DST: variants seen among roughly 807,000 people sequenced by gnomAD.
DST encodes the protein dystonin.
A neutral mutation model predicts 875.2 loss-of-function variants in DST; 253 were observed. That is an observed-to-expected ratio of 0.29 (90% CI 0.26 to 0.32). DST has a LOEUF of 0.32. Ranked by LOEUF, DST falls within the 10% of genes least tolerant of loss-of-function variation. The probability of loss-of-function intolerance (pLI) is 1.00; values close to 1 mark genes in which losing one functional copy is unlikely to be tolerated. For missense variants in DST, 8,287 were observed against 9,111.6 expected (o/e 0.91, Z 3.68); for synonymous variants, 3,124 against 3,197.1 (o/e 0.98, Z 0.77).
intron 4 of DST, among the ~76,000 whole-genome samples, chr6:56,808,657 A>G (rs2099756192): frequency 6.6e-6 from 1 of 152,192 alleles, no homozygotes; most frequent in African/African-American, 2.4e-5. Flanking sequence ...ATATCATTCT[A>G]TTTACTTTTT....
intron 4 of DST, among the ~76,000 whole-genome samples, chr6:56,762,321 AAC>A (rs767225702): frequency 1.6e-4 from 24 of 152,316 alleles, no homozygotes; most frequent in Non-Finnish European, 3.2e-4. Flanking sequence ...GAAATTTTAA[AAC>A]AGTTTCACAT....
intron 19 of DST, 76 bp downstream of exon 19, chr6:56,639,853 T>C (rs1441448953): frequency 6.3e-7 from 1 of 1,587,482 alleles, no homozygotes; most frequent in Non-Finnish European, 8.6e-7. Flanking sequence ...CTATTATTGA[T>C]TTACAGGGTC....
intron 4 of DST, chr6:56,742,360 G>C (rs2099550363): frequency 2.3e-6 from 3 of 1,289,680 alleles, no homozygotes; most frequent in Non-Finnish European, 3.0e-6. Flanking sequence ...AATCTGTGCA[G>C]CAGTTCCCTA....
At chr6:56,810,267 G>A (rs1289391911) in intron 4 of DST, among the ~76,000 whole-genome samples, 4 of 152,124 alleles carry the variant, frequency 2.6e-5, no homozygotes, top group African/African-American at 9.7e-5. Flanking sequence ...CTATGACTGT[G>A]CCACTGCATT....
At chr6:56,743,835 T>G (rs1165038028) in intron 4 of DST, among the ~76,000 whole-genome samples, 1 of 152,156 alleles carries the variant, frequency 6.6e-6, no homozygotes, top group Non-Finnish European at 1.5e-5. Flanking sequence ...AAATTCTAAC[T>G]TTTAAAAAAT....
At chr6:56,936,156 A>G (rs1172199424) in intron 2 of DST, among the ~76,000 whole-genome samples, 2 of 152,222 alleles carry the variant, frequency 1.3e-5, no homozygotes, top group Non-Finnish European at 2.9e-5. Flanking sequence ...GGGTAAATAA[A>G]TAAAAAGAGA....
chr6:56,546,372 ATATATATATATATATAT>A lies in DST; in HGVS notation c.16608+5795_16608+5811del, dbSNP rs2097224407. On this transcript the variant is annotated intron_variant, in intron 61 of 103. Coordinates refer to ENST00000680361, the MANE Select transcript of DST (RefSeq NM_001374736.1). ...CATATATATATATATATATATATAT[ATATATATATATATATAT>A]AAATGTCAAAAAGTTCATTTAAAGA... is the stretch of plus-strand genomic sequence containing the variant. Among the ~76,000 whole-genome samples the A allele has an allele frequency of 5.1e-5, 7 of 137,028 alleles. No homozygotes were observed. In the East Asian group the frequency reaches 1.5e-3, roughly 30 times the overall value. 89.9% of individuals were successfully genotyped at this position (137,028 alleles called of 152,430 possible). A position where few individuals can be genotyped will look rare whatever the true frequency, so the allele number is the denominator to read the frequency against.
At chr6:56,517,353 G>T (rs1286695272) in intron 70 of DST, 48 bp from the exon 71 acceptor site, 2 of 1,584,450 alleles carry the variant, frequency 1.3e-6, no homozygotes, top group Non-Finnish European at 1.7e-6. Flanking sequence ...GAAATTGTAT[G>T]ACTAAAATGA....
chr6:56,721,872 C>T (rs1457345274), intron 5 of DST, among the ~76,000 whole-genome samples: 2 of 152,148 alleles, frequency 1.3e-5, no homozygotes, highest in East Asian at 3.9e-4. Context: ...ATATACAAAA[C>T]CTCACCCTAA....
Position 56,611,340 on chromosome 6 carries a change from T to C in DST, c.5147+168A>G, listed in dbSNP as rs185165188. Among the ~76,000 whole-genome samples the C allele has an allele frequency of 4.0e-5, 6 of 151,824 alleles. No individual in the cohort carries two copies. In the East Asian group the frequency reaches 5.8e-4, roughly 15 times the overall value. On this transcript the variant is annotated intron_variant, in intron 38 of 103. Transcript: ENST00000680361. ...TTCAAAGTTGTAATAAAGACTAAAA[T>C]TGACAATTAAATTACTAAGTTGATA...
intron 4 of DST, among the ~76,000 whole-genome samples, chr6:56,762,301 C>A (rs56210937): frequency 2.6e-5 from 4 of 152,306 alleles, no homozygotes; most frequent in African/African-American, 9.6e-5. Flanking sequence ...GCGTGCCCGA[C>A]AAGACTCTAG....
chr6:56,789,589 G>A (rs530278859), intron 4 of DST, among the ~76,000 whole-genome samples: 8 of 152,104 alleles, frequency 5.3e-5, no homozygotes, highest in African/African-American at 1.7e-4. Flanking sequence ...TGCTATACTC[G>A]TTAAACAACT....
intron 5 of DST, among the ~76,000 whole-genome samples, chr6:56,718,293 C>G (rs2099401972): frequency 6.6e-6 from 1 of 151,980 alleles, no homozygotes; most frequent in Non-Finnish European, 1.5e-5. Flanking sequence ...CACAAATGGC[C>G]AATAAGCACA....
chr6:56,495,534 T>C (rs1160076061), intron 82 of DST, among the ~76,000 whole-genome samples: 3 of 152,010 alleles, frequency 2.0e-5, no homozygotes, highest in African/African-American at 4.8e-5. Context: ...CAAGCATCTA[T>C]CTGTTCATGA....
At position 56,598,592 on chromosome 6, in the gene DST, C is replaced by T; in HGVS notation, c.11812G>A (p.Glu3938Lys). 6.2e-7 allele frequency: 1 copy of T among 1,612,298 alleles called. No homozygotes were observed. The highest frequency in any genetic ancestry group is 8.5e-7 in the Non-Finnish European group (1 of 1,178,922). ...KLSQEDKALI[E>K]QKLNEAKIKC... ...ATCTTAGCTTCATTAAGTTTCTGTT[C>T]AATCAAAGCCTTATCTTCCTGTGAC... Residue 3938 changes from glutamate (E) to lysine (K), a missense_variant, in exon 46 of 104, where the codon GAA (glutamate) becomes AAA (lysine). This residue lies in a region of DST where 1,513 missense variants were observed against 1,677.8 expected (regional missense o/e 0.90). Coordinates refer to ENST00000680361, the MANE Select transcript of DST (RefSeq NM_001374736.1).
intron 4 of DST, among the ~76,000 whole-genome samples, chr6:56,781,659 C>G (rs1442734227): frequency 6.6e-6 from 1 of 152,192 alleles, no homozygotes; most frequent in African/African-American, 2.4e-5. Context: ...ACAATCATGT[C>G]GTCTGCAAAC....
At chr6:56,735,348 T>G (rs2099519026) in intron 4 of DST, 59 bp from the exon 5 acceptor site, 2 of 955,134 alleles carry the variant, frequency 2.1e-6, no homozygotes, top group African/African-American at 1.6e-5. Context: ...TAGATGACTT[T>G]GTGATCATGA....
At chr6:56,883,569 C>G (rs140471104) in intron 3 of DST, among the ~76,000 whole-genome samples, 1 of 152,218 alleles carries the variant, frequency 6.6e-6, no homozygotes, top group East Asian at 1.9e-4. Flanking sequence ...GCTTACTCTA[C>G]GGAAAACAAA....
intron 2 of DST, among the ~76,000 whole-genome samples, chr6:56,917,444 C>T (rs191686891): frequency 1.3e-3 from 191 of 152,274 alleles, no homozygotes; most frequent in Admixed American, 2.8e-3. Context: ...CTGTTCATTT[C>T]TGCTCTGTCT....
Sources: gnomAD v4.1 joint callset for allele counts (sites outside exome capture counted in the v4.1 genomes callset) on GRCh38, gnomAD v4.1.1 for gene constraint, gnomAD v4.1.1 regional missense constraint, MANE v1.5 for transcripts, NCBI Gene and HGNC (gene_info 2026-07-23, HGNC 2026-07-21) for gene names.